Variants in BASP1 observed in about 807,000 individuals in gnomAD.
The protein encoded by BASP1 is brain abundant membrane attached signal protein 1, also known as brain acid soluble protein 1.
Under a neutral mutation model 2.2 loss-of-function variants are expected in BASP1, and 1 was observed. The ratio of observed to expected loss-of-function variants is 0.46; its 90% CI spans 0.16 to 2.17. BASP1 has a LOEUF of 2.17. Ranked by LOEUF, BASP1 falls within the 30% of genes most tolerant of loss-of-function variation. The pLI is 0.27. For missense variants in BASP1, 352 were observed against 327.2 expected, an observed-to-expected ratio of 1.08 and a Z score of -0.58; for synonymous variants, 187 against 154.2, an observed-to-expected ratio of 1.21 and a Z score of -1.58.
At chr5:17,229,436 G>A (rs1196302890) in intron 1 of BASP1, among the ~76,000 whole-genome samples, 1 of 152,192 alleles carries the variant, frequency 6.6e-6, no homozygotes, top group African/African-American at 2.4e-5. Flanking sequence ...TCCAAGAAGT[G>A]TTCAAATTCC....
intron 1 of BASP1, among the ~76,000 whole-genome samples, chr5:17,267,277 C>T (rs1351910904): frequency 6.6e-6 from 1 of 152,152 alleles, no homozygotes; most frequent in Non-Finnish European, 1.5e-5. Context: ...GAGTGTCTTC[C>T]ACAGCCAGGG....
chr5:17,239,050 A>G (rs898241764), intron 1 of BASP1, among the ~76,000 whole-genome samples: 3 of 152,060 alleles, frequency 2.0e-5, no homozygotes, highest in African/African-American at 7.2e-5. Context: ...TCCTTACTTG[A>G]TATCAATCAA....
intron 1 of BASP1, among the ~76,000 whole-genome samples, chr5:17,229,236 C>T (rs1305660151): frequency 1.3e-5 from 2 of 152,176 alleles, no homozygotes; most frequent in Admixed American, 6.5e-5. Context: ...AACTACTTCC[C>T]TAGCTAATTA....
At chr5:17,235,046 GA>G (rs1178169743) in intron 1 of BASP1, among the ~76,000 whole-genome samples, 1 of 152,290 alleles carries the variant, frequency 6.6e-6, no homozygotes, top group African/African-American at 2.4e-5. Context: ...TTGGGGATTA[GA>G]AACTGAAGGA....
intron 1 of BASP1, among the ~76,000 whole-genome samples, chr5:17,249,911 C>A (rs985295981): frequency 2.0e-5 from 3 of 152,062 alleles, no homozygotes; most frequent in Non-Finnish European, 4.4e-5. Context: ...TTTTGTCCAC[C>A]TATACTGAGG....
At chr5:17,252,559 G>A (rs1740123947) in intron 1 of BASP1, among the ~76,000 whole-genome samples, 1 of 152,130 alleles carries the variant, frequency 6.6e-6, no homozygotes, top group African/African-American at 2.4e-5. Context: ...CACCTCCTGG[G>A]GAGTTTAACC....
intron 1 of BASP1, among the ~76,000 whole-genome samples, chr5:17,237,483 T>C (rs1739772333): frequency 6.6e-6 from 1 of 152,204 alleles, no homozygotes; most frequent in Non-Finnish European, 1.5e-5. Context: ...CATTAGTGAC[T>C]TCGGTATGGC....
rs934975650 is a variant in BASP1, at chr5:17,236,097, T to C, written c.-10+18287T>C. Among the ~76,000 whole-genome samples the C allele has an allele frequency of 2.0e-5, 3 of 152,148 alleles. No individual in the cohort carries two copies. The East Asian group carries it at 5.8e-4, about 29-fold the overall frequency. On this transcript the variant is annotated intron_variant, in intron 1 of 1. Transcript: ENST00000322611. This position sits in a 1 kb window ranked among gnomAD's most constrained non-coding sequence, Gnocchi z 4.0. ...TTTATGTGTGGCCCAAGACAATTCT[T>C]CCAGTGTGGCCCAGGGAAGCCAAAA...
rs75378775 is a variant in BASP1 at position 17,241,492 on chromosome 5, T to A, written c.-10+23682T>A. Among the ~76,000 whole-genome samples the A allele has an allele frequency of 2.5e-3, 387 of 152,280 alleles. 8 individuals carry two copies. The East Asian group carries it at 0.054, about 21-fold the overall frequency. ...TGAAGAAACTGTGGCACAGAGAAAT[T>A]AATAATAGGTTACGTAGCCAGTGTA... On this transcript the variant is annotated intron_variant, in intron 1 of 1. Transcript: ENST00000322611.
intron 1 of BASP1, among the ~76,000 whole-genome samples, chr5:17,223,546 A>G (rs1406585292): frequency 6.6e-6 from 1 of 152,254 alleles, no homozygotes; most frequent in Non-Finnish European, 1.5e-5. Context: ...GTGGTTAAGA[A>G]TACGCTAAAT....
intron 1 of BASP1, among the ~76,000 whole-genome samples, chr5:17,226,610 G>A (rs1739513586): frequency 6.6e-6 from 1 of 152,236 alleles, no homozygotes; most frequent in Admixed American, 6.5e-5. Flanking sequence ...GTCCTTCTCT[G>A]AGCTTGCCTT....
At chr5:17,246,209 C>T (rs149493308) in intron 1 of BASP1, among the ~76,000 whole-genome samples, 3 of 152,046 alleles carry the variant, frequency 2.0e-5, no homozygotes, top group South Asian at 2.1e-4. Context: ...TGGCCGGGCG[C>T]GGTGGCTCAC....
intron 1 of BASP1, among the ~76,000 whole-genome samples, chr5:17,256,443 G>A (rs1026195392): frequency 1.3e-5 from 2 of 152,150 alleles, no homozygotes; most frequent in Non-Finnish European, 2.9e-5. Flanking sequence ...GTGCCTGGAT[G>A]TTTGTGTCAT....
chr5:17,250,242 C>T (rs112350310), intron 1 of BASP1, among the ~76,000 whole-genome samples: 4,638 of 152,240 alleles, frequency 0.03, 257 homozygotes, highest in African/African-American at 0.11. Flanking sequence ...CCACCGCGCC[C>T]GGCCCTGATT....
chr5:17,272,071 G>GAAAAA (rs778258451), intron 1 of BASP1, among the ~76,000 whole-genome samples: 4 of 60,208 alleles, frequency 6.6e-5, no homozygotes, highest in African/African-American at 1.1e-4. Flanking sequence ...TGCATTTCAA[G>GAAAAA]AAAAAAAAAA....
At chr5:17,262,146 C>G (rs1740326877) in intron 1 of BASP1, among the ~76,000 whole-genome samples, 1 of 150,750 alleles carries the variant, frequency 6.6e-6, no homozygotes, top group African/African-American at 2.5e-5. Flanking sequence ...AAGTAATTTT[C>G]CCTATTAGGC....
intron 1 of BASP1, among the ~76,000 whole-genome samples, chr5:17,219,621 A>G (rs1348000359): frequency 1.3e-5 from 2 of 152,176 alleles, no homozygotes; most frequent in East Asian, 1.9e-4. Flanking sequence ...CATTTGATTA[A>G]GGGAAGGTGG....
chr5:17,223,558 C>T (rs948939418), intron 1 of BASP1, among the ~76,000 whole-genome samples: 4 of 152,146 alleles, frequency 2.6e-5, no homozygotes, highest in Non-Finnish European at 5.9e-5. Flanking sequence ...ACGCTAAATA[C>T]GTCAGTAGTT....
rs1214990521 is a variant in BASP1, at chr5:17,275,469, G to A, written c.253G>A (p.Ala85Thr). The A allele has an allele frequency of 5.3e-6, 8 of 1,498,722 alleles. No homozygotes were observed. In the South Asian group the frequency reaches 7.9e-5, roughly 15 times the overall value. The allele number at this position is 1,498,722 out of a possible 1,614,324, so 92.8% of individuals were successfully genotyped here. ...GGCTGCCAAGGAGGAGGCCCCGAAG[G>A]CGGAGCCCGAGAAGACGGAGGGCGC... Reference protein sequence around the residue: ...AAAAKEEAPKAEPEKTEGAAE... With the variant: ...AAAAKEEAPKTEPEKTEGAAE... Residue 85 changes from alanine (A) to threonine (T), a missense_variant, in exon 2 of 2, where the codon GCG (alanine) becomes ACG (threonine). Transcript: ENST00000322611. The surrounding 1 kb of genome is among the most constrained non-coding windows in gnomAD (Gnocchi z 5.3).
Sources: gnomAD v4.1 joint callset for allele counts (sites outside exome capture counted in the v4.1 genomes callset) on GRCh38, gnomAD v4.1.1 for gene constraint, Gnocchi (gnomAD v3.1) non-coding constraint, MANE v1.5 for transcripts, NCBI Gene and HGNC (gene_info 2026-07-23, HGNC 2026-07-21) for gene names.